The following EIF4G3 variants were observed in gnomAD, a reference collection of about 807,000 sequenced individuals.
EIF4G3 encodes eIF-4-gamma 3.
Under a neutral mutation model 186.4 loss-of-function variants are expected in EIF4G3, and 34 were observed. The observed-to-expected ratio is 0.18, with a 90% CI of 0.14 to 0.24. The LOEUF is 0.24. Among genes scored for constraint, EIF4G3 ranks in the 10% least tolerant of loss-of-function variants. EIF4G3 has a pLI of 1.00. For missense variants in EIF4G3, 1,536 were observed against 1,948.5 expected, an observed-to-expected ratio of 0.79 and a Z score of 3.99; for synonymous variants, 673 against 679.5, an observed-to-expected ratio of 0.99 and a Z score of 0.15.
intron 2 of EIF4G3, among the ~76,000 whole-genome samples, chr1:21,149,797 G>C (rs1340259786): frequency 6.6e-6 from 1 of 152,234 alleles, no homozygotes; most frequent in Non-Finnish European, 1.5e-5. Context: ...ATCTCTGAGA[G>C]ATAATTCGCA....
intron 2 of EIF4G3, among the ~76,000 whole-genome samples, chr1:21,106,899 T>G (rs1210179365): frequency 6.6e-6 from 1 of 152,124 alleles, no homozygotes; most frequent in Non-Finnish European, 1.5e-5. Context: ...CTTCACACTT[T>G]ACACTCTACT....
Position 21,007,546 on chromosome 1 carries a change from A to G in EIF4G3, c.-66-4738T>C, listed in dbSNP as rs553131548. Among the ~76,000 whole-genome samples the G allele has an allele frequency of 2.5e-3, 376 of 148,566 alleles. 5 individuals are homozygous for G. Among genetic ancestry groups the G allele is most frequent in the African/African-American group, 9.0e-3 (367 of 40,604 alleles). ...AAAAAAAAAAAAAAAAACACACTCA[A>G]AAACAAAAAAACTGGAAATATTCTA... On this transcript the variant is annotated intron_variant, in intron 4 of 36. Transcript: ENST00000602326.
intron 14 of EIF4G3, among the ~76,000 whole-genome samples, chr1:20,910,815 A>C (rs1319988096): frequency 6.6e-6 from 1 of 152,172 alleles, no homozygotes; most frequent in African/African-American, 2.4e-5. Flanking sequence ...AGGGTAAAAA[A>C]CACAAAATTA....
chr1:20,858,665 G>A (rs1382612802), intron 24 of EIF4G3, among the ~76,000 whole-genome samples: 1 of 152,120 alleles, frequency 6.6e-6, no homozygotes, highest in African/African-American at 2.4e-5. Flanking sequence ...TGATGGAAGG[G>A]ACTTTGAGTG....
At chr1:20,965,831 G>C (rs986338496) in intron 12 of EIF4G3, among the ~76,000 whole-genome samples, 15 of 152,084 alleles carry the variant, frequency 9.9e-5, no homozygotes, top group African/African-American at 3.1e-4. Flanking sequence ...CAATTTTTAA[G>C]TATTTTGTCT....
chr1:21,169,738 G>T (rs1449279115), intron 2 of EIF4G3: 1 of 152,150 alleles, frequency 6.6e-6, no homozygotes, highest in African/African-American at 2.4e-5. Flanking sequence ...GGAAATTACA[G>T]AATTATTTTC....
At chr1:21,088,346 G>A (rs2096065742) in intron 3 of EIF4G3, among the ~76,000 whole-genome samples, 1 of 152,058 alleles carries the variant, frequency 6.6e-6, no homozygotes, top group Non-Finnish European at 1.5e-5. Context: ...CTTGAACTGG[G>A]AAGGCAGAGG....
rs1313337800 is a variant in EIF4G3, at chr1:21,093,819, C to A, written c.-271-4606G>T. On this transcript the variant is annotated intron_variant, in intron 2 of 36. Coordinates refer to ENST00000602326, the MANE Select transcript of EIF4G3 (RefSeq NM_001391906.1). ...GTCCTTTGTAGGGACATGGATGAAG[C>A]TGGAAACCATCATTCTCAGCAAACT... Among the ~76,000 whole-genome samples, 19 of 151,850 alleles carry A rather than the reference C, an allele frequency of 1.3e-4. No homozygotes were observed. The South Asian group carries it at 4.0e-3, about 32-fold the overall frequency.
chr1:21,160,451 T>C (rs968497397), intron 2 of EIF4G3, among the ~76,000 whole-genome samples: 3 of 152,186 alleles, frequency 2.0e-5, no homozygotes, highest in Non-Finnish European at 4.4e-5. Context: ...ATTCTAACAT[T>C]GTTTGCAAAC....
At chr1:21,076,967 G>A (rs2095607885) in intron 3 of EIF4G3, among the ~76,000 whole-genome samples, 1 of 152,126 alleles carries the variant, frequency 6.6e-6, no homozygotes, top group African/African-American at 2.4e-5. Flanking sequence ...AAAAGTTTCT[G>A]CAAATTTAAG....
chr1:21,067,862 CAG>C (rs2095304062), intron 3 of EIF4G3, among the ~76,000 whole-genome samples: 4 of 151,996 alleles, frequency 2.6e-5, no homozygotes, highest in Non-Finnish European at 5.9e-5. Context: ...AGGCCAGGCA[CAG>C]TGGCTCACGC....
At chr1:20,833,671 C>T (rs1028822905) in intron 30 of EIF4G3, among the ~76,000 whole-genome samples, 1 of 152,092 alleles carries the variant, frequency 6.6e-6, no homozygotes, top group African/African-American at 2.4e-5. Context: ...AAATGTAATC[C>T]AGCATATAAA....
At chr1:21,002,524 AT>A (rs1322160314) in intron 5 of EIF4G3, among the ~76,000 whole-genome samples, 188 bp downstream of exon 5, 1 of 152,204 alleles carries the variant, frequency 6.6e-6, no homozygotes, top group Non-Finnish European at 1.5e-5. Context: ...TTCTCAATAA[AT>A]TTAATTATTG....
At position 20,873,722 on chromosome 1, in the gene EIF4G3, T is replaced by TA. The variant is rs35292233; in HGVS notation, c.2622+5600dup. On this transcript the variant is annotated intron_variant, in intron 20 of 36. Transcript: ENST00000602326. ...ACATTGAATGTCTTTTTTTTTTCCT[T>TA]AAAAAAAAAAAAAAACCACGAGATA... 9.2e-3 allele frequency among the ~76,000 whole-genome samples: 1,258 copies of TA among 137,070 alleles called. 14 individuals are homozygous for TA. Among genetic ancestry groups the TA allele is most frequent in the African/African-American group, 0.028 (1,014 of 36,628 alleles). 89.9% of individuals were successfully genotyped at this position (137,070 alleles called of 152,430 possible). A position where few individuals can be genotyped will look rare whatever the true frequency, so the allele number is the denominator to read the frequency against.
At chr1:20,906,544 A>T (rs897557045) in intron 14 of EIF4G3, among the ~76,000 whole-genome samples, 1 of 152,172 alleles carries the variant, frequency 6.6e-6, no homozygotes, top group Admixed American at 6.5e-5. Flanking sequence ...CTTCCTCTAA[A>T]CAACAAAAAA....
At chr1:20,872,096 G>A (rs1468616626) in intron 20 of EIF4G3, among the ~76,000 whole-genome samples, 2 of 151,214 alleles carry the variant, frequency 1.3e-5, no homozygotes, top group African/African-American at 4.9e-5. Flanking sequence ...TAGATCTTTT[G>A]CTTAAAAAAA....
At chr1:20,859,771 T>G (rs954985182) in intron 24 of EIF4G3, among the ~76,000 whole-genome samples, 1 of 152,188 alleles carries the variant, frequency 6.6e-6, no homozygotes, top group Admixed American at 6.5e-5. Flanking sequence ...AGCAAATTTT[T>G]TAGTAGAGAC....
At chr1:21,059,087 A>T (rs1273975304) in intron 3 of EIF4G3, among the ~76,000 whole-genome samples, 1 of 152,238 alleles carries the variant, frequency 6.6e-6, no homozygotes, top group East Asian at 1.9e-4. Flanking sequence ...CTATCAAGTA[A>T]ATTAATTTTT....
chr1:21,008,345 T>C (rs1355021527), intron 4 of EIF4G3, among the ~76,000 whole-genome samples: 1 of 152,118 alleles, frequency 6.6e-6, no homozygotes, highest in Non-Finnish European at 1.5e-5. Flanking sequence ...TCTTTTTTTT[T>C]TTCTTCTTTG....
Sources: allele counts gnomAD v4.1 joint callset (sites outside exome capture counted in the v4.1 genomes callset), GRCh38; gene constraint gnomAD v4.1.1; transcripts MANE v1.5; gene names NCBI Gene and HGNC (gene_info 2026-07-23, HGNC 2026-07-21).